Variants in GPC5 observed in about 807,000 individuals in gnomAD.
The protein encoded by GPC5 is glypican-5.
GPC5 carries 47 observed loss-of-function variants against 53.9 expected under a neutral mutation model. The observed-to-expected ratio is 0.87, with a 90% CI of 0.69 to 1.11. The LOEUF is 1.11. GPC5 is among the 50% of genes most tolerant of loss of function. The probability of loss-of-function intolerance (pLI) is 0.00; values close to 1 mark genes in which losing one functional copy is unlikely to be tolerated. For synonymous variants in GPC5, 286 were observed against 263.3 expected (o/e 1.09, Z -0.84); for missense variants, 748 against 713.1 (o/e 1.05, Z -0.56).
At chr13:91,701,549 CTGTGTG>C (rs143841432) in intron 3 of GPC5, among the ~76,000 whole-genome samples, 2 of 148,420 alleles carry the variant, frequency 1.3e-5, no homozygotes, top group African/African-American at 2.5e-5. Context: ...TAATATTCCA[CTGTGTG>C]TGTGTGTGTG....
intron 6 of GPC5, among the ~76,000 whole-genome samples, chr13:92,045,734 C>T (rs944280718): frequency 6.6e-6 from 1 of 151,902 alleles, no homozygotes; most frequent in South Asian, 2.1e-4. Context: ...TCAGGAGGGG[C>T]CAGGAAGTGA....
chr13:91,998,630 A>C (rs980691093), intron 6 of GPC5, among the ~76,000 whole-genome samples: 2 of 152,216 alleles, frequency 1.3e-5, no homozygotes, highest in African/African-American at 4.8e-5. Context: ...ATAAAATGGA[A>C]CCCAATGTCT....
intron 7 of GPC5, among the ~76,000 whole-genome samples, chr13:92,451,460 A>G (rs1261586764): frequency 2.0e-5 from 3 of 152,024 alleles, no homozygotes; most frequent in Non-Finnish European, 4.4e-5. Context: ...AAAAAGTACT[A>G]TATTAGCTCA....
At chr13:92,362,792 C>G (rs1253908465) in intron 7 of GPC5, among the ~76,000 whole-genome samples, 1 of 151,758 alleles carries the variant, frequency 6.6e-6, no homozygotes, top group African/African-American at 2.4e-5. Flanking sequence ...AAAAACAAAT[C>G]TCTGTGTTGT....
At chr13:91,695,626 C>T (rs572973267) in intron 3 of GPC5, among the ~76,000 whole-genome samples, 2 of 152,212 alleles carry the variant, frequency 1.3e-5, no homozygotes, top group South Asian at 2.1e-4. Flanking sequence ...CTGCCCGCCT[C>T]GGCCTCCCAA....
chr13:91,858,837 C>G (rs988353504), intron 5 of GPC5, among the ~76,000 whole-genome samples: 1 of 151,730 alleles, frequency 6.6e-6, no homozygotes, highest in Admixed American at 6.6e-5. Context: ...CTCATTACTT[C>G]TTGGTCTTTA....
intron 5 of GPC5, among the ~76,000 whole-genome samples, chr13:91,785,843 C>A (rs1315099524): frequency 1.3e-5 from 2 of 152,182 alleles, no homozygotes; most frequent in Non-Finnish European, 2.9e-5. Context: ...ACTATCATCT[C>A]CCTCTGGGAT....
chr13:91,679,468 C>A (rs9589329), intron 2 of GPC5, among the ~76,000 whole-genome samples: 3,253 of 152,224 alleles, frequency 0.021, 108 homozygotes, highest in African/African-American at 0.07. Flanking sequence ...GAAATATTTG[C>A]TTCAGCAACA....
At position 91,717,907 on chromosome 13, in the gene GPC5, C is replaced by T. The variant is rs539995555; in HGVS notation, c.1021-10625C>T. On this transcript the variant is annotated intron_variant, in intron 3 of 7. Coordinates refer to ENST00000377067, the MANE Select transcript of GPC5 (RefSeq NM_004466.6). ...GTGCTGTTTCTAGAGCATCTTCATA[C>T]ATTTTCAGCTTTGGAAGAGTAGAGA... is the stretch of plus-strand genomic sequence containing the variant. 4.8e-3 allele frequency among the ~76,000 whole-genome samples: 732 copies of T among 152,176 alleles called. 1 individual carries two copies. Among genetic ancestry groups the T allele is most frequent in the Non-Finnish European group, 7.5e-3 (509 of 68,004 alleles).
chr13:91,460,408 A>T lies in GPC5; in HGVS notation c.325+11486A>T, dbSNP rs1028248755. Among the ~76,000 whole-genome samples the T allele has an allele frequency of 3.3e-5, 5 of 151,410 alleles. No homozygotes were observed. The East Asian group carries it at 9.7e-4, about 29-fold the overall frequency. ...CACTTCCTGGGTTCAAGCAATTCTC[A>T]TGCCTCAGCCTCCTGAGTAGCTGGG... On this transcript the variant is annotated intron_variant, in intron 2 of 7. Coordinates refer to ENST00000377067, the MANE Select transcript of GPC5 (RefSeq NM_004466.6).
intron 7 of GPC5, among the ~76,000 whole-genome samples, chr13:92,583,184 A>T (rs767758909): frequency 5.9e-5 from 9 of 152,176 alleles, no homozygotes; most frequent in Non-Finnish European, 1.3e-4. Flanking sequence ...TATTGAGAGC[A>T]TCTATCATGA....
chr13:92,153,047 T>A (rs1309538741), intron 7 of GPC5, among the ~76,000 whole-genome samples: 1 of 152,230 alleles, frequency 6.6e-6, no homozygotes, highest in African/African-American at 2.4e-5. Flanking sequence ...ATACAGTCTC[T>A]CTTGTCTTGT....
intron 7 of GPC5, among the ~76,000 whole-genome samples, chr13:92,703,265 G>A (rs1322550350): frequency 6.6e-6 from 1 of 151,646 alleles, no homozygotes; most frequent in Non-Finnish European, 1.5e-5. Flanking sequence ...TAAAAATAGA[G>A]AATAGGGAAG....
intron 2 of GPC5, among the ~76,000 whole-genome samples, chr13:91,572,016 CATA>C (rs2031883915): frequency 7.4e-6 from 1 of 135,526 alleles, no homozygotes; most frequent in Non-Finnish European, 1.6e-5. Flanking sequence ...TGCATATATG[CATA>C]TACGTGTGTA....
chr13:91,674,884 A>G (rs1382864497), intron 2 of GPC5, among the ~76,000 whole-genome samples: 1 of 151,786 alleles, frequency 6.6e-6, no homozygotes, highest in Non-Finnish European at 1.5e-5. Flanking sequence ...CTCTCTACTG[A>G]TACTGTTTTC....
At chr13:92,025,232 T>A (rs1452661745) in intron 6 of GPC5, among the ~76,000 whole-genome samples, 1 of 152,156 alleles carries the variant, frequency 6.6e-6, no homozygotes, top group Admixed American at 6.6e-5. Context: ...TCTTAACAAT[T>A]TATAGTTGGA....
At chr13:92,214,022 G>A (rs1374967116) in intron 7 of GPC5, among the ~76,000 whole-genome samples, 1 of 152,152 alleles carries the variant, frequency 6.6e-6, no homozygotes, top group African/African-American at 2.4e-5. Flanking sequence ...AGAGCCTAGA[G>A]TATGTTCTGT....
chr13:91,775,810 T>C (rs964151747), intron 5 of GPC5, among the ~76,000 whole-genome samples: 2 of 152,192 alleles, frequency 1.3e-5, no homozygotes, highest in Admixed American at 1.3e-4. Flanking sequence ...CATGAGTGAG[T>C]GTCCCAGGTT....
chr13:91,983,477 T>A (rs2040379539), intron 6 of GPC5, among the ~76,000 whole-genome samples: 1 of 152,140 alleles, frequency 6.6e-6, no homozygotes, highest in African/African-American at 2.4e-5. Context: ...TATTTTTTCA[T>A]TGAACTGACT....
Sources: gnomAD v4.1 joint callset for allele counts (sites outside exome capture counted in the v4.1 genomes callset) on GRCh38, gnomAD v4.1.1 for gene constraint, MANE v1.5 for transcripts, NCBI Gene and HGNC (gene_info 2026-07-23, HGNC 2026-07-21) for gene names.